TSC22D1: variants seen among roughly 807,000 people sequenced by gnomAD.
TSC22D1 encodes the protein TSC22 domain family member 1, also known as TSC22 domain family protein 1.
Under a neutral mutation model 74.2 loss-of-function variants are expected in TSC22D1, and 9 were observed. The observed-to-expected ratio is 0.12, with a 90% CI of 0.07 to 0.21. The LOEUF is 0.21. Among genes scored for constraint, TSC22D1 ranks in the 10% least tolerant of loss-of-function variants. TSC22D1 has a pLI of 1.00. For synonymous variants in TSC22D1, 586 were observed against 492.5 expected, an observed-to-expected ratio of 1.19 and a Z score of -2.51; for missense variants, 1,427 against 1,304.7, an observed-to-expected ratio of 1.09 and a Z score of -1.44.
At chr13:44,531,833 CA>C (rs1223842318) in intron 1 of TSC22D1, among the ~76,000 whole-genome samples, 2 of 152,178 alleles carry the variant, frequency 1.3e-5, no homozygotes, top group African/African-American at 4.8e-5. Flanking sequence ...TTTCAATATG[CA>C]ACACAAGACT....
intron 1 of TSC22D1, among the ~76,000 whole-genome samples, chr13:44,563,125 T>C (rs1233499464): frequency 6.6e-6 from 1 of 151,802 alleles, no homozygotes; most frequent in Non-Finnish European, 1.5e-5. Context: ...AAAAATTAAA[T>C]TGCCAAAAAC....
intron 1 of TSC22D1, among the ~76,000 whole-genome samples, chr13:44,483,526 A>G (rs748642000): frequency 2.6e-5 from 4 of 152,172 alleles, no homozygotes; most frequent in Non-Finnish European, 5.9e-5. Flanking sequence ...TAAAAAAATT[A>G]GCCGGGCGTG....
intron 1 of TSC22D1, among the ~76,000 whole-genome samples, chr13:44,498,168 T>G (rs1879059657): frequency 6.6e-6 from 1 of 151,558 alleles, no homozygotes; most frequent in Non-Finnish European, 1.5e-5. Flanking sequence ...CAAGGTGGCA[T>G]GCACCTGTGG....
Position 44,576,140 on chromosome 13 carries a change from T to C in TSC22D1, c.-66A>G, listed in dbSNP as rs543970350. On this transcript the variant is annotated 5_prime_UTR_variant, in exon 1 of 3. Transcript: ENST00000458659. Reference sequence around the variant, plus strand: ...TCCTTCTGCACCGTAATCTTTGTATTGGAGACGCCGGAGAGGAAAACGGGA... The same window carrying C: ...TCCTTCTGCACCGTAATCTTTGTATCGGAGACGCCGGAGAGGAAAACGGGA... 1 of 1,433,136 alleles carries C rather than the reference T, an allele frequency of 7.0e-7. No individual in the cohort carries two copies. The highest frequency in any genetic ancestry group is 1.5e-5 in the South Asian group (1 of 66,938). 88.8% of individuals were successfully genotyped at this position (1,433,136 alleles called of 1,614,324 possible). A position where few individuals can be genotyped will look rare whatever the true frequency, so the allele number is the denominator to read the frequency against.
chr13:44,471,109 T>C (rs1238759314), intron 1 of TSC22D1, among the ~76,000 whole-genome samples: 1 of 152,208 alleles, frequency 6.6e-6, no homozygotes, highest in Non-Finnish European at 1.5e-5. Flanking sequence ...TAACCAATGG[T>C]TTGCTGTTCA....
intron 1 of TSC22D1, among the ~76,000 whole-genome samples, chr13:44,465,235 G>A (rs1877204728): frequency 6.6e-6 from 1 of 152,102 alleles, no homozygotes; most frequent in African/African-American, 2.4e-5. Context: ...TTAAAGCACA[G>A]AGACAGGAAT....
intron 1 of TSC22D1, among the ~76,000 whole-genome samples, chr13:44,561,146 T>C (rs1417499340): frequency 2.0e-5 from 3 of 152,204 alleles, no homozygotes; most frequent in African/African-American, 7.2e-5. Flanking sequence ...ACAGCTGGTT[T>C]AACCTCTGGA....
At chr13:44,572,659 A>C (rs1159457890) in intron 1 of TSC22D1, among the ~76,000 whole-genome samples, 1 of 152,238 alleles carries the variant, frequency 6.6e-6, no homozygotes, top group Non-Finnish European at 1.5e-5. Flanking sequence ...TATATAACCC[A>C]GATTAAGTCA....
At chr13:44,570,188 C>CTTT (rs1258759696) in intron 1 of TSC22D1, among the ~76,000 whole-genome samples, 2 of 132,442 alleles carry the variant, frequency 1.5e-5, no homozygotes. Flanking sequence ...GACATTAAGA[C>CTTT]TTTTTTTTTT....
chr13:44,520,640 TAAG>T (rs1880269568), intron 1 of TSC22D1, among the ~76,000 whole-genome samples: 2 of 152,272 alleles, frequency 1.3e-5, no homozygotes, highest in African/African-American at 4.8e-5. Flanking sequence ...TTAAAAATCT[TAAG>T]ATCTCAGATA....
At chr13:44,470,113 G>C (rs908566634) in intron 1 of TSC22D1, among the ~76,000 whole-genome samples, 2 of 152,144 alleles carry the variant, frequency 1.3e-5, no homozygotes, top group African/African-American at 4.8e-5. Context: ...TGCTTTCTTA[G>C]TGCTTATGTG....
chr13:44,567,615 G>C (rs1001929855), intron 1 of TSC22D1, among the ~76,000 whole-genome samples: 1 of 151,688 alleles, frequency 6.6e-6, no homozygotes, highest in Non-Finnish European at 1.5e-5. Context: ...CAAAAAAAAA[G>C]TTCTTGGAAT....
At chr13:44,500,890 T>G (rs889599252) in intron 1 of TSC22D1, among the ~76,000 whole-genome samples, 2 of 152,158 alleles carry the variant, frequency 1.3e-5, no homozygotes, top group Non-Finnish European at 2.9e-5. Context: ...CTCACTTTAT[T>G]GCCCAGGCTA....
At chr13:44,509,950 C>CAA in intron 1 of TSC22D1, among the ~76,000 whole-genome samples, 19 of 51,418 alleles carry the variant, frequency 3.7e-4, no homozygotes, top group African/African-American at 9.0e-4. Context: ...AGAAAATAAG[C>CAA]AAAAAAAAAA....
intron 1 of TSC22D1, among the ~76,000 whole-genome samples, chr13:44,457,578 C>T (rs990614255): frequency 7.0e-6 from 1 of 142,352 alleles, no homozygotes; most frequent in South Asian, 2.2e-4. Flanking sequence ...AAAGAGCAAC[C>T]CCTAAAGAAA....
At chr13:44,442,846 T>C (rs1027081410) in intron 1 of TSC22D1, among the ~76,000 whole-genome samples, 3 of 146,370 alleles carry the variant, frequency 2.0e-5, no homozygotes, top group African/African-American at 5.1e-5. Context: ...GAGGCAGAGG[T>C]TGGAGTGAGC....
At chr13:44,515,387 A>C (rs916668675) in intron 1 of TSC22D1, among the ~76,000 whole-genome samples, 1 of 152,108 alleles carries the variant, frequency 6.6e-6, no homozygotes, top group Non-Finnish European at 1.5e-5. Context: ...AAAAAAGCAA[A>C]GAGCAGAACA....
chr13:44,452,652 C>G (rs541700352), intron 1 of TSC22D1: 4 of 155,794 alleles, frequency 2.6e-5, no homozygotes, highest in African/African-American at 7.2e-5. Flanking sequence ...GATGCCCCCC[C>G]AGTACCGCCA....
At chr13:44,454,919 GT>G (rs201391944) in intron 1 of TSC22D1, among the ~76,000 whole-genome samples, 4 of 151,654 alleles carry the variant, frequency 2.6e-5, no homozygotes, top group Non-Finnish European at 2.9e-5. Flanking sequence ...ACTGGAAATA[GT>G]TTTTTTTTAA....
Sources: gnomAD v4.1 joint callset for allele counts (sites outside exome capture counted in the v4.1 genomes callset) on GRCh38, gnomAD v4.1.1 for gene constraint, MANE v1.5 for transcripts, NCBI Gene and HGNC (gene_info 2026-07-23, HGNC 2026-07-21) for gene names.